Variants in ZBBX observed in about 807,000 individuals in gnomAD.
ZBBX encodes the protein zinc finger B-box domain containing, also known as zinc finger B-box domain-containing protein 1.
In ZBBX, 101 loss-of-function variants were observed where a neutral mutation model predicts 108.5. That is an observed-to-expected ratio of 0.93 (90% confidence interval 0.79 to 1.10). The LOEUF is 1.10. Among genes scored for constraint, ZBBX ranks in the 50% least tolerant of loss-of-function variants. ZBBX has a pLI of 0.00. For missense variants in ZBBX, 1,009 were observed against 941.4 expected, an observed-to-expected ratio of 1.07 and a Z score of -0.94; for synonymous variants, 356 against 323.4, an observed-to-expected ratio of 1.10 and a Z score of -1.08.
chr3:167,344,525 T>C (rs1042302957), intron 9 of ZBBX, among the ~76,000 whole-genome samples: 1 of 151,788 alleles, frequency 6.6e-6, no homozygotes, highest in African/African-American at 2.4e-5. Flanking sequence ...CTGTGTTAAC[T>C]AAACCTTTAA....
intron 20 of ZBBX, among the ~76,000 whole-genome samples, chr3:167,261,054 T>C (rs1021477934): frequency 3.3e-5 from 5 of 152,206 alleles, no homozygotes; most frequent in African/African-American, 9.7e-5. Flanking sequence ...CCTATTCCTA[T>C]GGATGTGGAT....
chr3:167,184,761 A>T, the ZBBX span, among the ~76,000 whole-genome samples: 1 of 152,120 alleles, frequency 6.6e-6, no homozygotes, highest in Non-Finnish European at 1.5e-5. Context: ...ACCAAGCAGA[A>T]CAAAGTAACC....
the ZBBX span, among the ~76,000 whole-genome samples, chr3:167,203,378 T>A: frequency 6.6e-6 from 1 of 152,110 alleles, no homozygotes; most frequent in Admixed American, 6.6e-5. Context: ...TGCTTACATT[T>A]CAAGGTACTA....
At chr3:167,326,804 A>G (rs1737468797) in intron 11 of ZBBX, among the ~76,000 whole-genome samples, 1 of 152,110 alleles carries the variant, frequency 6.6e-6, no homozygotes, top group Non-Finnish European at 1.5e-5. Flanking sequence ...AAATTTATTT[A>G]AAAGTTTAAT....
intron 20 of ZBBX, among the ~76,000 whole-genome samples, chr3:167,281,653 CTA>C (rs1428963291): frequency 6.6e-6 from 1 of 152,200 alleles, no homozygotes; most frequent in African/African-American, 2.4e-5. Context: ...ATATTGCTGA[CTA>C]TGTCCACTTA....
At chr3:167,189,489 G>T in the ZBBX span, among the ~76,000 whole-genome samples, 6 of 151,968 alleles carry the variant, frequency 3.9e-5, no homozygotes, top group African/African-American at 1.4e-4. Flanking sequence ...ACACTCATGT[G>T]TACACAAACA....
chr3:167,282,533 A>G (rs570093506), intron 19 of ZBBX, 38 bp from the exon 20 acceptor site: 1 of 1,551,070 alleles, frequency 6.4e-7, no homozygotes, highest in South Asian at 1.2e-5. Context: ...ATCAACTTTT[A>G]AAAATTTGAA....
the ZBBX span, among the ~76,000 whole-genome samples, chr3:167,223,144 T>A: frequency 2.0e-5 from 3 of 151,874 alleles, no homozygotes; most frequent in Non-Finnish European, 4.4e-5. Flanking sequence ...AGTCACCTAC[T>A]TATCATTAGA....
intron 18 of ZBBX, among the ~76,000 whole-genome samples, chr3:167,294,659 G>A (rs990785597): frequency 1.1e-4 from 16 of 151,902 alleles, no homozygotes; most frequent in African/African-American, 3.1e-4. Flanking sequence ...ACTAAAACAC[G>A]AAAAGCAATG....
chr3:167,360,047 A>T, intron 7 of ZBBX, 68 bp from the exon 8 acceptor site: 1 of 872,580 alleles, frequency 1.1e-6, no homozygotes, highest in Non-Finnish European at 1.7e-6. Context: ...TTGATAAATT[A>T]ATGAAACTAT....
chr3:167,303,751 A>G (rs1733120742), intron 17 of ZBBX, among the ~76,000 whole-genome samples: 1 of 152,192 alleles, frequency 6.6e-6, no homozygotes, highest in African/African-American at 2.4e-5. Context: ...ATGAGAATTT[A>G]ATGTCAATCT....
intron 9 of ZBBX, among the ~76,000 whole-genome samples, chr3:167,348,343 AG>A: frequency 2.7e-5 from 3 of 111,068 alleles, no homozygotes; most frequent in African/African-American, 1.2e-4. Flanking sequence ...AAAGAAAGAA[AG>A]AAAGAAAGAA....
At chr3:167,368,856 A>T (rs1745738400) in intron 4 of ZBBX, 3 of 395,976 alleles carry the variant, frequency 7.6e-6, no homozygotes, top group Non-Finnish European at 1.1e-5. Flanking sequence ...GTTTTTATAT[A>T]TGAACAAATA....
At chr3:167,260,484 G>T (rs1724284410) in intron 20 of ZBBX, among the ~76,000 whole-genome samples, 1 of 152,052 alleles carries the variant, frequency 6.6e-6, no homozygotes, top group Non-Finnish European at 1.5e-5. Flanking sequence ...AGGTTTAGTT[G>T]TTTAACATAA....
chr3:167,346,521 T>C (rs1741482043), intron 9 of ZBBX, among the ~76,000 whole-genome samples: 1 of 151,936 alleles, frequency 6.6e-6, no homozygotes, highest in Non-Finnish European at 1.5e-5. Context: ...GGCTACACTT[T>C]ATATTAACCA....
chr3:167,252,208 C>T (rs1576779623), intron 20 of ZBBX: 1 of 1,288,904 alleles, frequency 7.8e-7, no homozygotes, highest in African/African-American at 1.5e-5. Context: ...GAAGTGGATG[C>T]ATCCTAGAAA....
chr3:167,302,687 C>T (rs1020059279), intron 17 of ZBBX, among the ~76,000 whole-genome samples: 11 of 152,090 alleles, frequency 7.2e-5, no homozygotes, highest in Admixed American at 1.3e-4. Context: ...GGATGCTGGA[C>T]GAAGACACAA....
chr3:167,186,604 C>A, the ZBBX span, among the ~76,000 whole-genome samples: 1 of 152,080 alleles, frequency 6.6e-6, no homozygotes, highest in Non-Finnish European at 1.5e-5. Context: ...TTGCTTAATT[C>A]CTTTGCTTCA....
intron 9 of ZBBX, among the ~76,000 whole-genome samples, chr3:167,342,462 T>C (rs1293887521): frequency 2.6e-5 from 4 of 151,792 alleles, no homozygotes; most frequent in South Asian, 2.1e-4. Flanking sequence ...TTTTACTGTA[T>C]GGGTTTTTAA....
Sources: allele counts gnomAD v4.1 joint callset (sites outside exome capture counted in the v4.1 genomes callset), GRCh38; gene constraint gnomAD v4.1.1; transcripts MANE v1.5; gene names NCBI Gene and HGNC (gene_info 2026-07-23, HGNC 2026-07-21).